VWC2L: variants seen among roughly 807,000 people sequenced by gnomAD.
VWC2L encodes the protein von Willebrand factor C domain-containing protein 2-like.
Under a neutral mutation model 21.6 loss-of-function variants are expected in VWC2L, and 10 were observed. The ratio of observed to expected loss-of-function variants is 0.46; its 90% CI spans 0.29 to 0.78. VWC2L has a LOEUF of 0.78. VWC2L is among the 30% of genes least tolerant of loss of function. The pLI is 0.10. For synonymous variants in VWC2L, 96 were observed against 94.3 expected (o/e 1.02, Z -0.10); for missense variants, 209 against 277.1 (o/e 0.75, Z 1.74).
chr2:214,486,891 T>C (rs1281198123), intron 3 of VWC2L, among the ~76,000 whole-genome samples: 1 of 152,210 alleles, frequency 6.6e-6, no homozygotes, highest in African/African-American at 2.4e-5. Context: ...ACGAGCTAAA[T>C]TGTGACCTCC....
chr2:214,521,616 T>C (rs1004224143), intron 3 of VWC2L, among the ~76,000 whole-genome samples: 3 of 152,238 alleles, frequency 2.0e-5, no homozygotes, highest in Non-Finnish European at 2.9e-5. Flanking sequence ...CTCCAGAAAG[T>C]AAGCTCATTC....
intron 3 of VWC2L, among the ~76,000 whole-genome samples, chr2:214,558,353 G>T (rs1689907451): frequency 6.6e-6 from 1 of 151,962 alleles, no homozygotes; most frequent in South Asian, 2.1e-4. Context: ...ACCTCTCTAT[G>T]CCCAACTCAG....
At chr2:214,483,959 C>T (rs1217913495) in intron 3 of VWC2L, among the ~76,000 whole-genome samples, 1 of 152,118 alleles carries the variant, frequency 6.6e-6, no homozygotes, top group African/African-American at 2.4e-5. Context: ...GTTGCAAGGG[C>T]CATCTTCCCT....
intron 3 of VWC2L, among the ~76,000 whole-genome samples, chr2:214,446,058 C>A (rs867549709): frequency 6.6e-6 from 1 of 152,146 alleles, no homozygotes; most frequent in Non-Finnish European, 1.5e-5. Flanking sequence ...ACGTGAAAAA[C>A]CAGCTTTTTA....
At chr2:214,462,016 A>G (rs1703150196) in intron 3 of VWC2L, among the ~76,000 whole-genome samples, 1 of 152,138 alleles carries the variant, frequency 6.6e-6, no homozygotes, top group Non-Finnish European at 1.5e-5. Flanking sequence ...ATGTCATCGC[A>G]TTACTGTAGC....
intron 3 of VWC2L, among the ~76,000 whole-genome samples, chr2:214,541,397 A>G (rs1689624330): frequency 6.6e-6 from 1 of 152,154 alleles, no homozygotes; most frequent in African/African-American, 2.4e-5. Context: ...TCCTAATCCC[A>G]TTGTCATTAG....
At chr2:214,532,444 G>T (rs1187722908) in intron 3 of VWC2L, among the ~76,000 whole-genome samples, 1 of 152,096 alleles carries the variant, frequency 6.6e-6, no homozygotes, top group Non-Finnish European at 1.5e-5. Flanking sequence ...AGCATTACAT[G>T]AGTAGTCTTT....
intron 2 of VWC2L, among the ~76,000 whole-genome samples, chr2:214,421,885 CTTTTTTT>C (rs761759449): frequency 1.1e-4 from 8 of 76,168 alleles, no homozygotes; most frequent in South Asian, 4.7e-4. Context: ...TTTCCTACAT[CTTTTTTT>C]TTTTTTTTTT....
chr2:214,471,360 G>A (rs1029944236), intron 3 of VWC2L, among the ~76,000 whole-genome samples: 2 of 152,158 alleles, frequency 1.3e-5, no homozygotes, highest in Admixed American at 6.6e-5. Flanking sequence ...ATCAATCAAT[G>A]GACCAAGGCA....
At chr2:214,455,557 C>T (rs1313258884) in intron 3 of VWC2L, among the ~76,000 whole-genome samples, 3 of 152,136 alleles carry the variant, frequency 2.0e-5, no homozygotes, top group Non-Finnish European at 4.4e-5. Flanking sequence ...CATTTTAAGA[C>T]CCCTCTTCCA....
At position 214,451,319 on chromosome 2, in the gene VWC2L, G is replaced by C. The variant is rs551326372; in HGVS notation, c.520+14561G>C. ...TAAGTGGGTCGGTGTGGGGGGGGGG[G>C]GCAGTAAAAGCTGAAATAATTGTCA... On this transcript the variant is annotated intron_variant, in intron 3 of 3. Coordinates refer to ENST00000312504, the MANE Select transcript of VWC2L (RefSeq NM_001080500.4). Among the ~76,000 whole-genome samples, 20 of 147,402 alleles carry C rather than the reference G, an allele frequency of 1.4e-4. No homozygotes were observed. In the South Asian group the frequency reaches 4.1e-3, roughly 30 times the overall value.
At position 214,504,778 on chromosome 2, in the gene VWC2L, C is replaced by G. The variant is rs1688944414; in HGVS notation, c.520+68020C>G. Reference sequence around the variant, plus strand: ...TCATTATTTTATCTTCACAACAAGCCTGTTGGGCAGCCTGGAGATGTGATT... The same window carrying G: ...TCATTATTTTATCTTCACAACAAGCGTGTTGGGCAGCCTGGAGATGTGATT... On this transcript the variant is annotated intron_variant, in intron 3 of 3. Coordinates refer to ENST00000312504, the MANE Select transcript of VWC2L (RefSeq NM_001080500.4). 2.6e-5 allele frequency among the ~76,000 whole-genome samples: 4 copies of G among 152,146 alleles called. No homozygotes were observed. The South Asian group carries it at 8.3e-4, about 31-fold the overall frequency.
At chr2:214,574,669 G>A (rs1401449838) in intron 3 of VWC2L, among the ~76,000 whole-genome samples, 2 of 152,124 alleles carry the variant, frequency 1.3e-5, no homozygotes, top group African/African-American at 4.8e-5. Context: ...TTACCCAAAT[G>A]TGTACCTCAG....
Position 214,414,646 on chromosome 2 carries a change from G to T in VWC2L, c.390+63G>T. 3 of 1,529,300 alleles carry T rather than the reference G, an allele frequency of 2.0e-6. No homozygotes were observed. In the South Asian group the frequency reaches 3.7e-5, roughly 19 times the overall value. 94.7% of individuals were successfully genotyped at this position (1,529,300 alleles called of 1,614,324 possible). Reference sequence around the variant, plus strand: ...TTTCATACCACGTGCTTAGTACATTGCTACATTAAAGTCAGAGTTGGAAAA... The same window carrying T: ...TTTCATACCACGTGCTTAGTACATTTCTACATTAAAGTCAGAGTTGGAAAA... On this transcript the variant is annotated intron_variant, in intron 2 of 3. Transcript: ENST00000312504.
chr2:214,511,917 T>TAC (rs1483959963), intron 3 of VWC2L, among the ~76,000 whole-genome samples: 21 of 15,336 alleles, frequency 1.4e-3, no homozygotes, highest in Non-Finnish European at 3.1e-3. Context: ...TATATATACA[T>TAC]ATACACACAC....
At chr2:214,567,853 C>G (rs1690092805) in intron 3 of VWC2L, among the ~76,000 whole-genome samples, 1 of 152,074 alleles carries the variant, frequency 6.6e-6, no homozygotes, top group African/African-American at 2.4e-5. Flanking sequence ...AAAAATAATA[C>G]TCATGAGGAG....
At chr2:214,438,675 A>G (rs910634398) in intron 3 of VWC2L, among the ~76,000 whole-genome samples, 3 of 152,076 alleles carry the variant, frequency 2.0e-5, no homozygotes, top group African/African-American at 7.2e-5. Context: ...GTCATATGTT[A>G]AATCAGCCAC....
At chr2:214,440,419 AT>A (rs1159008521) in intron 3 of VWC2L, among the ~76,000 whole-genome samples, 1 of 151,988 alleles carries the variant, frequency 6.6e-6, no homozygotes, top group Non-Finnish European at 1.5e-5. Context: ...TTTCCCTGAG[AT>A]TGTGTTACTT....
intron 3 of VWC2L, among the ~76,000 whole-genome samples, chr2:214,516,282 A>C (rs1689142083): frequency 2.0e-5 from 3 of 152,016 alleles, no homozygotes; most frequent in Non-Finnish European, 4.4e-5. Context: ...TAAATGATTA[A>C]GTGTAACGCT....
Sources: gnomAD v4.1 joint callset for allele counts (sites outside exome capture counted in the v4.1 genomes callset) on GRCh38, gnomAD v4.1.1 for gene constraint, MANE v1.5 for transcripts, NCBI Gene and HGNC (gene_info 2026-07-23, HGNC 2026-07-21) for gene names.